UBE2F: variants seen among roughly 807,000 people sequenced by gnomAD.
The protein encoded by UBE2F is NEDD8-conjugating enzyme UBE2F.
UBE2F carries 5 observed loss-of-function variants against 29.6 expected under a neutral mutation model. The observed-to-expected ratio is 0.17, with a 90% confidence interval of 0.09 to 0.36. The LOEUF is 0.36. Among genes scored for constraint, UBE2F ranks in the 10% least tolerant of loss-of-function variants. The pLI, the probability that UBE2F is intolerant of heterozygous loss-of-function variation, is 1.00. For synonymous variants in UBE2F, 66 were observed against 81.8 expected, an observed-to-expected ratio of 0.81 and a Z score of 1.04; for missense variants, 141 against 228.5, an observed-to-expected ratio of 0.62 and a Z score of 2.47.
rs1559203270 is a variant in UBE2F, at chr2:237,982,465, C to A, written c.119-5498C>A. 6.6e-6 allele frequency among the ~76,000 whole-genome samples: 1 copy of A among 152,198 alleles called. No individual in the cohort carries two copies. The highest frequency in any genetic ancestry group is 2.4e-5 in the African/African-American group (1 of 41,456). Reference sequence around the variant, plus strand: ...TGTGTCATGCTGGCCCCTCTGCTTGCAATCCACAGTCGCTTACCATGCCGT... The same window carrying A: ...TGTGTCATGCTGGCCCCTCTGCTTGAAATCCACAGTCGCTTACCATGCCGT... On this transcript the variant is annotated intron_variant, in intron 2 of 9. Transcript: ENST00000272930. The surrounding 1 kb of genome is among the most constrained non-coding windows in gnomAD (Gnocchi z 4.1).
At chr2:238,013,052 A>G (rs1170517065) in intron 4 of UBE2F, among the ~76,000 whole-genome samples, 1 of 152,144 alleles carries the variant, frequency 6.6e-6, no homozygotes, top group Admixed American at 6.5e-5. Context: ...CAAGATGGGC[A>G]GATCGCTTGT....
intron 4 of UBE2F, among the ~76,000 whole-genome samples, chr2:238,011,558 C>T (rs748194866): frequency 8.5e-5 from 13 of 152,238 alleles, no homozygotes; most frequent in Non-Finnish European, 1.3e-4. Flanking sequence ...GGGCACTCAT[C>T]AACTATTTGT....
chr2:238,032,596 C>G (rs2106408229), intron 8 of UBE2F: 2 of 199,690 alleles, frequency 1.0e-5, no homozygotes, highest in Middle Eastern at 4.3e-3. Flanking sequence ...GCCTGGGCGA[C>G]AGAGACTCTG....
chr2:238,034,576 A>C (rs1296058270), intron 8 of UBE2F, among the ~76,000 whole-genome samples: 2 of 152,222 alleles, frequency 1.3e-5, no homozygotes, highest in African/African-American at 4.8e-5. Flanking sequence ...TCTTAGGTCT[A>C]ACATATAGTA....
chr2:238,023,215 C>T (rs1196758755), intron 5 of UBE2F, among the ~76,000 whole-genome samples: 1 of 152,216 alleles, frequency 6.6e-6, no homozygotes, highest in African/African-American at 2.4e-5. Context: ...GAGCCCTGCC[C>T]CTCATGGCAG....
chr2:238,041,186 G>T, intron 9 of UBE2F, 102 bp from the exon 10 acceptor site: 1 of 1,156,688 alleles, frequency 8.6e-7, no homozygotes. Context: ...GACCACAGGG[G>T]ACCTTGGTGC....
intron 4 of UBE2F, among the ~76,000 whole-genome samples, chr2:238,005,222 G>T (rs1399466756): frequency 6.6e-6 from 1 of 151,992 alleles, no homozygotes; most frequent in Admixed American, 6.6e-5. Context: ...TTGAGACAGG[G>T]TCTCGCTCTG....
chr2:238,016,323 G>T (rs141787409), intron 4 of UBE2F, among the ~76,000 whole-genome samples: 1 of 152,118 alleles, frequency 6.6e-6, no homozygotes, highest in Non-Finnish European at 1.5e-5. Context: ...TTCCCTGAGG[G>T]TGTGCTCAGC....
intron 4 of UBE2F, among the ~76,000 whole-genome samples, chr2:237,996,478 T>TGG: frequency 1.9e-5 from 1 of 52,334 alleles, no homozygotes; most frequent in Non-Finnish European, 4.8e-5. Flanking sequence ...CCCTCCGCGT[T>TGG]TTTTTTTTTT....
chr2:238,019,653 C>CATTTTT (rs1313421347), intron 5 of UBE2F, among the ~76,000 whole-genome samples: 6 of 23,596 alleles, frequency 2.5e-4, no homozygotes, highest in African/African-American at 3.7e-4. Context: ...CTGTGCTCAG[C>CATTTTT]CTTTTTTTTT....
In UBE2F at chr2:238,035,934, G is replaced by A. The variant is rs762745358; in HGVS notation, c.501G>A (p.Arg167=). Residue 167 remains arginine, a synonymous_variant, in exon 9 of 10, where the codon CGG becomes CGA. Transcript: ENST00000272930. ...LNIEAAEHHL[R]DKEDFRNKVD... is the part of the protein sequence containing the mutation. Reference sequence around the variant, plus strand: ...TTGAAGCTGCAGAACATCATTTGCGGGACAAGGTGAGCCAGTAACAGGCTT... The same window carrying A: ...TTGAAGCTGCAGAACATCATTTGCGAGACAAGGTGAGCCAGTAACAGGCTT... 1 of 1,613,324 alleles carries A rather than the reference G, an allele frequency of 6.2e-7. No individual in the cohort carries two copies. Among genetic ancestry groups the A allele is most frequent in the Admixed American group, 1.7e-5 (1 of 60,024 alleles).
chr2:237,976,484 G>T (rs192443031), intron 2 of UBE2F, among the ~76,000 whole-genome samples: 1 of 152,362 alleles, frequency 6.6e-6, no homozygotes, highest in Admixed American at 6.5e-5. Flanking sequence ...CACAGATTGG[G>T]TAATTTATAA....
rs903558003 is a variant in UBE2F, at chr2:237,995,808, G to C, written c.214+999G>C. 5.0e-4 allele frequency among the ~76,000 whole-genome samples: 76 copies of C among 152,162 alleles called. 2 individuals are homozygous for C. The highest frequency in any genetic ancestry group is 1.8e-3 in the African/African-American group (76 of 41,440). On this transcript the variant is annotated intron_variant, in intron 4 of 9. Transcript: ENST00000272930. ...AAAAATTCTATTTTATCTATGTGAT[G>C]GTTCCACAAAGGGCTCTGGAAGTAT...
At chr2:238,032,986 T>A (rs1576641486) in intron 8 of UBE2F, among the ~76,000 whole-genome samples, 2 of 152,186 alleles carry the variant, frequency 1.3e-5, no homozygotes, top group African/African-American at 4.8e-5. Flanking sequence ...ATGAGGCTGG[T>A]TCCACTTCCC....
intron 2 of UBE2F, among the ~76,000 whole-genome samples, chr2:237,981,624 T>C (rs1310474812): frequency 7.9e-6 from 1 of 126,710 alleles, no homozygotes; most frequent in African/African-American, 3.4e-5. Context: ...CTTTTTTTTT[T>C]TTTTTTTTTT....
At chr2:237,990,221 G>T (rs80351960) in intron 3 of UBE2F, among the ~76,000 whole-genome samples, 7 of 150,042 alleles carry the variant, frequency 4.7e-5, no homozygotes, top group South Asian at 4.2e-4. Context: ...AAATAACTGT[G>T]GGGGGGCAGG....
At chr2:238,034,009 T>TG (rs1307828245) in intron 8 of UBE2F, among the ~76,000 whole-genome samples, 1 of 152,144 alleles carries the variant, frequency 6.6e-6, no homozygotes, top group African/African-American at 2.4e-5. Flanking sequence ...TCAGCCACCA[T>TG]AATTTTTTTC....
chr2:237,978,997 C>T (rs978151551), intron 2 of UBE2F, among the ~76,000 whole-genome samples: 6 of 152,210 alleles, frequency 3.9e-5, no homozygotes, highest in Non-Finnish European at 7.3e-5. Flanking sequence ...CCTGTTCTTT[C>T]ACTTGTTCAC....
intron 3 of UBE2F, among the ~76,000 whole-genome samples, chr2:237,991,610 T>TTTC (rs796515315): frequency 1.1e-4 from 4 of 35,364 alleles, no homozygotes; most frequent in African/African-American, 3.2e-4. Flanking sequence ...TCTTTCTTTC[T>TTTC]TTTTTTTTTT....
Sources: allele counts gnomAD v4.1 joint callset (sites outside exome capture counted in the v4.1 genomes callset), GRCh38; gene constraint gnomAD v4.1.1; non-coding constraint Gnocchi (gnomAD v3.1); transcripts MANE v1.5; gene names NCBI Gene and HGNC (gene_info 2026-07-23, HGNC 2026-07-21).